FBXW10: variants seen among roughly 807,000 people sequenced by gnomAD.
The protein encoded by FBXW10 is F-box/WD repeat-containing protein 10.
A neutral mutation model predicts 113.1 loss-of-function variants in FBXW10; 68 were observed. That is an observed-to-expected ratio of 0.60 (90% CI 0.49 to 0.74). The LOEUF is 0.74. Ranked by LOEUF, FBXW10 falls within the 30% of genes least tolerant of loss-of-function variation. The pLI, the probability that FBXW10 is intolerant of heterozygous loss-of-function variation, is 0.00. For missense variants in FBXW10, 753 were observed against 1,284.5 expected, an observed-to-expected ratio of 0.59 and a Z score of 6.32; for synonymous variants, 289 against 481.6, an observed-to-expected ratio of 0.60 and a Z score of 5.24.
At chr17:18,774,067 G>C (rs764119996) in intron 12 of FBXW10, among the ~76,000 whole-genome samples, 2 of 136,692 alleles carry the variant, frequency 1.5e-5, no homozygotes, top group East Asian at 3.9e-4. Context: ...CTGTAAAGAG[G>C]TGACAATTAC....
At chr17:18,759,621 T>G (rs1174451907) in intron 7 of FBXW10, among the ~76,000 whole-genome samples, 2 of 150,714 alleles carry the variant, frequency 1.3e-5, no homozygotes, top group African/African-American at 4.9e-5. Flanking sequence ...AGTTTTTTGT[T>G]TTTTTTTTTG....
intron 10 of FBXW10, among the ~76,000 whole-genome samples, chr17:18,769,174 AT>A (rs1384620476): frequency 6.6e-6 from 1 of 151,738 alleles, no homozygotes; most frequent in Non-Finnish European, 1.5e-5. Flanking sequence ...TGACCTCATG[AT>A]CCACCCGCCT....
At chr17:18,757,714 T>G (rs2035293758) in intron 6 of FBXW10, among the ~76,000 whole-genome samples, 1 of 152,258 alleles carries the variant, frequency 6.6e-6, no homozygotes, top group African/African-American at 2.4e-5. Flanking sequence ...CATTATTTGG[T>G]CATCCTGTTC....
chr17:18,747,228 C>T (rs2151785889), intron 1 of FBXW10, among the ~76,000 whole-genome samples: 1 of 152,240 alleles, frequency 6.6e-6, no homozygotes, highest in Admixed American at 6.5e-5. Flanking sequence ...GCCGGGCCAA[C>T]AACCTTCTCT....
At chr17:18,757,894 T>C (rs1270985576) in intron 6 of FBXW10, among the ~76,000 whole-genome samples, 2 of 152,198 alleles carry the variant, frequency 1.3e-5, no homozygotes, top group Non-Finnish European at 1.5e-5. Flanking sequence ...TCACTGGATA[T>C]TGATTAAGGG....
chr17:18,755,754 TTG>T (rs1229209348), intron 5 of FBXW10, among the ~76,000 whole-genome samples: 2 of 152,080 alleles, frequency 1.3e-5, no homozygotes, highest in East Asian at 3.9e-4. Flanking sequence ...TTTGAAAAAG[TTG>T]TGTTATTGGT....
intron 4 of FBXW10, among the ~76,000 whole-genome samples, chr17:18,750,692 A>G (rs1597589077): frequency 6.6e-6 from 1 of 152,022 alleles, no homozygotes; most frequent in Non-Finnish European, 1.5e-5. Context: ...GAGGCTGGCG[A>G]CAGTCTGACC....
At position 18,766,809 on chromosome 17, in the gene FBXW10, T is replaced by G. The variant is rs1405118385; in HGVS notation, c.1651T>G (p.Cys551Gly). ...CAATGATACCTACATTGTGAGCAGC[T>G]GTGAGCGAGGGCTGGTGAAAGTGTG... The part of the protein sequence containing the change: ...RINDTYIVSS[C>G]ERGLVKVWHI... Residue 551 changes from cysteine to glycine, a missense_variant, in exon 9 of 14, where the codon TGT becomes GGT. Cys to Gly is a radical substitution (Grantham distance 159). Transcript: ENST00000395665. The G allele has an allele frequency of 1.9e-6, 3 of 1,612,572 alleles. No homozygotes were observed. Among genetic ancestry groups the G allele is most frequent in the Non-Finnish European group, 2.5e-6 (3 of 1,178,850 alleles).
intron 7 of FBXW10, among the ~76,000 whole-genome samples, chr17:18,763,005 T>C (rs1466275781): frequency 6.7e-6 from 1 of 148,624 alleles, no homozygotes; most frequent in Admixed American, 6.8e-5. Context: ...TGTGGCTGCA[T>C]TGTAGGCTCT....
intron 9 of FBXW10, among the ~76,000 whole-genome samples, chr17:18,768,055 T>TTCCTTCCTTCCTTCCTTCCTTCC (rs1244201725): frequency 1.2e-3 from 81 of 68,826 alleles, no homozygotes; most frequent in Non-Finnish European, 2.1e-3. Flanking sequence ...TCCTTCCTTC[T>TTCCTTCCTTCCTTCCTTCCTTCC]TTCTTTCTTT....
intron 7 of FBXW10, among the ~76,000 whole-genome samples, chr17:18,759,100 G>T (rs2035330224): frequency 6.6e-6 from 1 of 152,168 alleles, no homozygotes; most frequent in African/African-American, 2.4e-5. Flanking sequence ...AACCTGGGAG[G>T]TGGAGCTTGC....
At chr17:18,751,319 G>A (rs1310820901) in intron 5 of FBXW10, among the ~76,000 whole-genome samples, 14 of 151,750 alleles carry the variant, frequency 9.2e-5, no homozygotes, top group South Asian at 8.3e-4. Flanking sequence ...TCCGCCTCCC[G>A]GGTTCACGCC....
At chr17:18,751,288 C>G (rs2035165231) in intron 5 of FBXW10, among the ~76,000 whole-genome samples, 1 of 150,638 alleles carries the variant, frequency 6.6e-6, no homozygotes, top group Non-Finnish European at 1.5e-5. Flanking sequence ...TGCAGTGGCA[C>G]AATCTTGGCT....
At chr17:18,765,861 G>C (rs1463350466) in intron 8 of FBXW10, among the ~76,000 whole-genome samples, 1 of 151,928 alleles carries the variant, frequency 6.6e-6, no homozygotes, top group Non-Finnish European at 1.5e-5. Context: ...CGAGTAGCTG[G>C]GACTACAGTC....
At chr17:18,765,211 C>G (rs1471704270) in intron 8 of FBXW10, among the ~76,000 whole-genome samples, 1 of 152,164 alleles carries the variant, frequency 6.6e-6, no homozygotes, top group African/African-American at 2.4e-5. Context: ...ATAATAAGTC[C>G]ATGAACAACA....
intron 5 of FBXW10, among the ~76,000 whole-genome samples, chr17:18,753,378 A>G (rs892447773): frequency 6.6e-6 from 1 of 152,022 alleles, no homozygotes; most frequent in Non-Finnish European, 1.5e-5. Context: ...CTCCCAGATA[A>G]GCACAACAAA....
At position 18,749,878 on chromosome 17, in the gene FBXW10, A is replaced by T; in HGVS notation, c.827A>T (p.Asp276Val). Residue 276 changes from aspartate to valine, a missense_variant, in exon 3 of 14, where the codon GAC becomes GTC. Physicochemically the swap from Asp to Val is radical, Grantham distance 152 (BLOSUM62 -3). Coordinates refer to ENST00000395665, the MANE Select transcript of FBXW10 (RefSeq NM_001267585.2). Reference sequence around the variant, plus strand: ...TCTTCTGGGTTCAGCAAATACCGAGACTTCATCCGTTACCTGCCCATCCAC... The same window carrying T: ...TCTTCTGGGTTCAGCAAATACCGAGTCTTCATCCGTTACCTGCCCATCCAC... ...DLSSGFSKYR[D>V]FIRYLPIHLS... is the part of the protein sequence containing the mutation. The T allele has an allele frequency of 6.2e-7, 1 of 1,613,858 alleles. No individual in the cohort carries two copies. The highest frequency in any genetic ancestry group is 8.5e-7 in the Non-Finnish European group (1 of 1,179,940).
Position 18,750,926 on chromosome 17 carries a change from T to C in FBXW10, c.1000-5T>C. On this transcript the variant is annotated splice_polypyrimidine_tract_variant and splice_region_variant and intron_variant, in intron 4 of 13. Coordinates refer to ENST00000395665, the MANE Select transcript of FBXW10 (RefSeq NM_001267585.2). ...TTTTATTTTTTATTTTTTGTCTTTT[T>C]CCAGGGGTCCTACACAAGAGGAATT... is the stretch of plus-strand genomic sequence containing the variant. The C allele has an allele frequency of 6.2e-7, 1 of 1,609,908 alleles. No individual in the cohort carries two copies.
At chr17:18,753,165 T>A (rs1446491431) in intron 5 of FBXW10, among the ~76,000 whole-genome samples, 1 of 152,110 alleles carries the variant, frequency 6.6e-6, no homozygotes, top group East Asian at 1.9e-4. Flanking sequence ...AGATAAGACA[T>A]CTAGGGCACA....
Sources: gnomAD v4.1 joint callset for allele counts (sites outside exome capture counted in the v4.1 genomes callset) on GRCh38, gnomAD v4.1.1 for gene constraint, MANE v1.5 for transcripts, NCBI Gene and HGNC (gene_info 2026-07-23, HGNC 2026-07-21) for gene names.